Variants in CTPS2 observed in about 807,000 individuals in gnomAD.
CTPS2 encodes the protein CTP synthase II.
Under a neutral mutation model 46.8 loss-of-function variants are expected in CTPS2, and 19 were observed. The ratio of observed to expected loss-of-function variants is 0.41; its 90% CI spans 0.28 to 0.60. CTPS2 has a LOEUF of 0.60. Ranked by LOEUF, CTPS2 falls within the 20% of genes least tolerant of loss-of-function variation. CTPS2 has a pLI of 0.35. For synonymous variants in CTPS2, 151 were observed against 165.2 expected (o/e 0.91, Z 0.66); for missense variants, 286 against 447.6 (o/e 0.64, Z 3.26).
chrX:16,671,707 G>T (rs978708417), intron 10 of CTPS2, among the ~76,000 whole-genome samples: 15 of 108,805 alleles, frequency 1.4e-4, no homozygotes, highest in African/African-American at 5.0e-4. Context: ...TAGAGATGGG[G>T]TTTCACCATG....
At chrX:16,620,171 T>G in intron 15 of CTPS2, 106 bp downstream of exon 15, 1 of 677,233 alleles carries the variant, frequency 1.5e-6, no homozygotes, top group Non-Finnish European at 2.3e-6. Flanking sequence ...CTGAGCCCTG[T>G]GAATACCACC....
At chrX:16,597,286 G>A (rs1365215285) in intron 17 of CTPS2, among the ~76,000 whole-genome samples, 2 of 111,757 alleles carry the variant, frequency 1.8e-5, no homozygotes, top group East Asian at 5.6e-4. Flanking sequence ...TGTCCTGAAT[G>A]GTAATGCCTA....
intron 13 of CTPS2, chrX:16,650,248 T>TAATACTCTGCTA (rs1303384067): frequency 9.0e-6 from 1 of 111,702 alleles, no homozygotes; most frequent in Non-Finnish European, 1.9e-5. Context: ...CTGTTTGCAT[T>TAATACTCTGCTA]AATACTCTGC....
chrX:16,690,130 G>A (rs1159002759), intron 7 of CTPS2, among the ~76,000 whole-genome samples: 2 of 109,955 alleles, frequency 1.8e-5, no homozygotes, highest in African/African-American at 6.6e-5. Flanking sequence ...CAGCACTTTT[G>A]GAGGCTGAGG....
intron 13 of CTPS2, among the ~76,000 whole-genome samples, chrX:16,659,021 C>T (rs139154914): frequency 0.01 from 1,137 of 111,655 alleles, 15 homozygotes; most frequent in African/African-American, 0.035. Context: ...ATTGGATGTT[C>T]GAATATTTTA....
At chrX:16,610,455 AG>A (rs1289664636) in intron 16 of CTPS2, among the ~76,000 whole-genome samples, 1 of 111,758 alleles carries the variant, frequency 8.9e-6, no homozygotes, top group Non-Finnish European at 1.9e-5. Flanking sequence ...TACAGTAATA[AG>A]GAAATGATGA....
rs769515811 is a variant in CTPS2 at position 16,698,505 on chromosome X, C to T, written c.338-169G>A. Reference sequence around the variant, plus strand: ...TTTAAAAGAATTAGAACTTGTAGAGCGCAGGGACTGTGACATTTTCAGTTC... The same window carrying T: ...TTTAAAAGAATTAGAACTTGTAGAGTGCAGGGACTGTGACATTTTCAGTTC... On this transcript the variant is annotated intron_variant, in intron 3 of 18. Coordinates refer to ENST00000359276, the MANE Select transcript of CTPS2 (RefSeq NM_175859.3). 5.4e-5 allele frequency among the ~76,000 whole-genome samples: 6 copies of T among 110,832 alleles called. No homozygotes were observed. In the South Asian group the frequency reaches 1.1e-3, roughly 21 times the overall value.
chrX:16,616,182 TGAG>T (rs766644429), intron 16 of CTPS2, among the ~76,000 whole-genome samples: 1 of 112,115 alleles, frequency 8.9e-6, no homozygotes, highest in Non-Finnish European at 1.9e-5. Context: ...CAAAGCTGAC[TGAG>T]AAGAACACTG....
chrX:16,705,412 G>A (rs906530228), intron 1 of CTPS2, among the ~76,000 whole-genome samples: 1 of 111,640 alleles, frequency 9.0e-6, no homozygotes, highest in Non-Finnish European at 1.9e-5. Flanking sequence ...AGTTTACAGA[G>A]GCTGTGGACT....
At chrX:16,603,979 G>T (rs754119408) in intron 17 of CTPS2, among the ~76,000 whole-genome samples, 23 of 111,367 alleles carry the variant, frequency 2.1e-4, no homozygotes, top group Non-Finnish European at 3.6e-4. Context: ...GCACACAAAG[G>T]AAAGAGGAAA....
rs779270521 is a variant in CTPS2, at chrX:16,663,868, C to T, written c.1296+3646G>A. Among the ~76,000 whole-genome samples the T allele has an allele frequency of 9.9e-5, 11 of 110,750 alleles. No homozygotes were observed. The South Asian group carries it at 4.3e-3, about 43-fold the overall frequency. On this transcript the variant is annotated intron_variant, in intron 13 of 18. Coordinates refer to ENST00000359276, the MANE Select transcript of CTPS2 (RefSeq NM_175859.3). Reference sequence around the variant, plus strand: ...TCATTTTTTTTGAGGCAGAGTCTTGCTTTGTCACCCAGGCTGGAGTACAGT... The same window carrying T: ...TCATTTTTTTTGAGGCAGAGTCTTGTTTTGTCACCCAGGCTGGAGTACAGT...
chrX:16,640,263 T>C, intron 13 of CTPS2, among the ~76,000 whole-genome samples: 1 of 111,628 alleles, frequency 9.0e-6, no homozygotes, highest in East Asian at 2.8e-4. Flanking sequence ...CCTCCCGCCG[T>C]GGCGACTTGG....
At chrX:16,699,156 A>G (rs1416252462) in intron 2 of CTPS2, 63 bp from the exon 3 acceptor site, 4 of 866,830 alleles carry the variant, frequency 4.6e-6, no homozygotes, top group Middle Eastern at 4.3e-4. Flanking sequence ...TCAAAGATGG[A>G]CATATTTTTG....
At chrX:16,606,892 G>T (rs750271715) in intron 17 of CTPS2, among the ~76,000 whole-genome samples, 9 of 112,037 alleles carry the variant, frequency 8.0e-5, no homozygotes, top group African/African-American at 2.9e-4. Flanking sequence ...CTCCCTAGCA[G>T]CAGCGTGTGC....
intron 10 of CTPS2, among the ~76,000 whole-genome samples, chrX:16,672,445 G>A (rs771686335): frequency 2.7e-5 from 3 of 110,907 alleles, no homozygotes; most frequent in South Asian, 7.7e-4. Context: ...TTTCCTTTTC[G>A]TATCTTTTCT....
intron 13 of CTPS2, chrX:16,654,304 T>C: frequency 2.0e-6 from 1 of 507,901 alleles, no homozygotes; most frequent in East Asian, 3.6e-5. Flanking sequence ...GCTGCCTTCT[T>C]GGCACACAGA....
intron 13 of CTPS2, among the ~76,000 whole-genome samples, chrX:16,663,374 A>G (rs1258153001): frequency 2.7e-5 from 3 of 111,304 alleles, no homozygotes; most frequent in African/African-American, 9.8e-5. Flanking sequence ...CTCAAACTCC[A>G]AGACTCAAGC....
intron 13 of CTPS2, among the ~76,000 whole-genome samples, chrX:16,656,503 G>A (rs939045448): frequency 3.6e-5 from 4 of 109,723 alleles, no homozygotes; most frequent in African/African-American, 1.3e-4. Context: ...TCTGCCTTCC[G>A]GGTTCACGGC....
At chrX:16,679,593 G>A (rs945459313) in intron 9 of CTPS2, among the ~76,000 whole-genome samples, 1 of 110,958 alleles carries the variant, frequency 9.0e-6, no homozygotes, top group Admixed American at 9.7e-5. Flanking sequence ...GAATGTCTGT[G>A]TTCCCCCAAA....
Sources: allele counts gnomAD v4.1 joint callset (sites outside exome capture counted in the v4.1 genomes callset), GRCh38; gene constraint gnomAD v4.1.1; transcripts MANE v1.5; gene names NCBI Gene and HGNC (gene_info 2026-07-23, HGNC 2026-07-21).